Variants in KCNIP4 observed in about 807,000 individuals in gnomAD.
KCNIP4 encodes the protein potassium voltage-gated channel interacting protein 4.
KCNIP4 carries 12 observed loss-of-function variants against 34.0 expected under a neutral mutation model. That is an observed-to-expected ratio of 0.35 (90% CI 0.23 to 0.57). The LOEUF is 0.57. Among genes scored for constraint, KCNIP4 ranks in the 20% least tolerant of loss-of-function variants. The pLI is 0.83. For missense variants in KCNIP4, 238 were observed against 311.7 expected (o/e 0.76, Z 1.78); for synonymous variants, 124 against 102.2 (o/e 1.21, Z -1.29).
chr4:21,806,266 T>C (rs1013686854), intron 1 of KCNIP4, among the ~76,000 whole-genome samples: 1 of 152,216 alleles, frequency 6.6e-6, no homozygotes, highest in African/African-American at 2.4e-5. Context: ...CAGGGTGTTA[T>C]TCAGTACAAT....
At chr4:20,808,416 T>C (rs1177630058) in intron 3 of KCNIP4, among the ~76,000 whole-genome samples, 1 of 152,190 alleles carries the variant, frequency 6.6e-6, no homozygotes, top group Non-Finnish European at 1.5e-5. Flanking sequence ...ATGTAATCTG[T>C]CATGTTTTAG....
chr4:21,065,264 T>C (rs1378553143), intron 1 of KCNIP4, among the ~76,000 whole-genome samples: 3 of 152,172 alleles, frequency 2.0e-5, no homozygotes, highest in Admixed American at 6.5e-5. Context: ...TACCAAAGTG[T>C]TAAATCTAAT....
chr4:20,869,260 G>A (rs1468187576), intron 2 of KCNIP4, among the ~76,000 whole-genome samples: 1 of 152,032 alleles, frequency 6.6e-6, no homozygotes, highest in Non-Finnish European at 1.5e-5. Context: ...TAGGAAAACT[G>A]AGCAGTGATC....
intron 1 of KCNIP4, among the ~76,000 whole-genome samples, chr4:21,093,831 C>T (rs1348831326): frequency 2.0e-5 from 3 of 152,058 alleles, no homozygotes; most frequent in African/African-American, 4.8e-5. Flanking sequence ...GCCTGTAATC[C>T]TAGCACTTTG....
At chr4:21,385,134 A>C (rs1180580488) in intron 1 of KCNIP4, among the ~76,000 whole-genome samples, 1 of 152,196 alleles carries the variant, frequency 6.6e-6, no homozygotes, top group East Asian at 1.9e-4. Flanking sequence ...TCTAGCCCAA[A>C]GGGTAATGGC....
At chr4:20,765,850 G>A (rs1393565349) in intron 3 of KCNIP4, among the ~76,000 whole-genome samples, 1 of 152,174 alleles carries the variant, frequency 6.6e-6, no homozygotes, top group Non-Finnish European at 1.5e-5. Context: ...CCTTACTGCT[G>A]TGTTCCCTGA....
chr4:21,227,555 T>G (rs899081583), intron 1 of KCNIP4, among the ~76,000 whole-genome samples: 11 of 152,182 alleles, frequency 7.2e-5, no homozygotes, highest in African/African-American at 2.7e-4. Context: ...TTGTGGCATC[T>G]AATGAGGATT....
At chr4:21,776,284 A>C (rs1719172681) in intron 1 of KCNIP4, among the ~76,000 whole-genome samples, 1 of 151,948 alleles carries the variant, frequency 6.6e-6, no homozygotes, top group Non-Finnish European at 1.5e-5. Context: ...TTTGATGAGA[A>C]AACCTGGATA....
At position 21,427,238 on chromosome 4, in the gene KCNIP4, G is replaced by A. The variant is rs549556917; in HGVS notation, c.61+521333C>T. ...TTTCCTAGGAATAGTCAGACTTAGC[G>A]TTTATTTATTTAACAAATATTTATT... is the stretch of plus-strand genomic sequence containing the variant. On this transcript the variant is annotated intron_variant, in intron 1 of 8. Coordinates refer to ENST00000382152, the MANE Select transcript of KCNIP4 (RefSeq NM_025221.6). Among the ~76,000 whole-genome samples, 208 of 151,162 alleles carry A rather than the reference G, an allele frequency of 1.4e-3. 2 individuals carry two copies. Among genetic ancestry groups the A allele is most frequent in the African/African-American group, 4.7e-3 (192 of 41,176 alleles).
intron 1 of KCNIP4, among the ~76,000 whole-genome samples, chr4:21,006,176 G>C (rs756748983): frequency 6.6e-6 from 1 of 152,132 alleles, no homozygotes; most frequent in Non-Finnish European, 1.5e-5. Flanking sequence ...CACTATGCTG[G>C]GTCCTGATAA....
intron 1 of KCNIP4, chr4:21,697,779 C>T: frequency 1.9e-6 from 1 of 515,706 alleles, no homozygotes; most frequent in Non-Finnish European, 2.6e-6. Context: ...GCAGTTGCAA[C>T]CTCACAGACC....
At chr4:21,589,202 G>GTACACA (rs1741939419) in intron 1 of KCNIP4, among the ~76,000 whole-genome samples, 2 of 15,984 alleles carry the variant, frequency 1.3e-4, no homozygotes, top group East Asian at 5.4e-3. Context: ...ATATATATAT[G>GTACACA]TGTACATATA....
intron 1 of KCNIP4, among the ~76,000 whole-genome samples, chr4:21,557,403 A>G (rs543785809): frequency 2.6e-5 from 4 of 152,304 alleles, no homozygotes; most frequent in African/African-American, 9.6e-5. Context: ...AATTGCCACC[A>G]TATCTACTTA....
chr4:21,782,596 G>T (rs1719638932), intron 1 of KCNIP4, among the ~76,000 whole-genome samples: 2 of 152,118 alleles, frequency 1.3e-5, no homozygotes, highest in African/African-American at 2.4e-5. Context: ...TACTCAGAAG[G>T]CTAAGGCAAA....
chr4:21,944,212 G>A (rs1008544301), intron 1 of KCNIP4, among the ~76,000 whole-genome samples: 1 of 151,906 alleles, frequency 6.6e-6, no homozygotes, highest in African/African-American at 2.4e-5. Context: ...CATGTGAAAG[G>A]CTGCACAAAA....
Position 21,248,060 on chromosome 4 carries a change from A to ATATG in KCNIP4, c.62-365352_62-365351insCATA, listed in dbSNP as rs1553845887. Among the ~76,000 whole-genome samples, 468 of 145,348 alleles carry ATATG rather than the reference A, an allele frequency of 3.2e-3. 6 individuals are homozygous for ATATG. Among genetic ancestry groups the ATATG allele is most frequent in the African/African-American group, 9.8e-3 (384 of 39,060 alleles). The stretch of plus-strand genomic sequence containing the variant: ...CACCACAGGTGGAGCATATATATAT[A>ATATG]TGTGTGTGTGTGTGTGTGTTCTGCA... On this transcript the variant is annotated intron_variant, in intron 1 of 8. Coordinates refer to ENST00000382152, the MANE Select transcript of KCNIP4 (RefSeq NM_025221.6).
chr4:20,930,912 G>A (rs891579660), intron 1 of KCNIP4, among the ~76,000 whole-genome samples: 1 of 151,856 alleles, frequency 6.6e-6, no homozygotes, highest in Non-Finnish European at 1.5e-5. Context: ...ACTGTTGGCG[G>A]GAATTTAGAT....
At chr4:21,717,601 C>T (rs1421863892) in intron 1 of KCNIP4, among the ~76,000 whole-genome samples, 1 of 152,090 alleles carries the variant, frequency 6.6e-6, no homozygotes, top group Non-Finnish European at 1.5e-5. Flanking sequence ...AAATGGTAGC[C>T]TAGGACTGGA....
intron 1 of KCNIP4, among the ~76,000 whole-genome samples, chr4:21,440,475 A>G (rs191219506): frequency 6.6e-6 from 1 of 152,196 alleles, no homozygotes; most frequent in Non-Finnish European, 1.5e-5. Context: ...TATTTGCCCT[A>G]TTCTCTAGAG....
Sources: allele counts gnomAD v4.1 joint callset (sites outside exome capture counted in the v4.1 genomes callset), GRCh38; gene constraint gnomAD v4.1.1; transcripts MANE v1.5; gene names NCBI Gene and HGNC (gene_info 2026-07-23, HGNC 2026-07-21).